PHLDB2: variants seen among roughly 807,000 people sequenced by gnomAD.
The protein encoded by PHLDB2 is pleckstrin homology like domain family B member 2.
PHLDB2 carries 71 observed loss-of-function variants against 123.6 expected under a neutral mutation model. The observed-to-expected ratio is 0.57, with a 90% CI of 0.47 to 0.70. The LOEUF is 0.70. Ranked by LOEUF, PHLDB2 falls within the 30% of genes least tolerant of loss-of-function variation. PHLDB2 has a pLI of 0.00. For synonymous variants in PHLDB2, 547 were observed against 541.6 expected, an observed-to-expected ratio of 1.01 and a Z score of -0.14; for missense variants, 1,446 against 1,519.5, an observed-to-expected ratio of 0.95 and a Z score of 0.80.
At chr3:111,929,655 C>T (rs369299472) in intron 5 of PHLDB2, among the ~76,000 whole-genome samples, 1 of 152,126 alleles carries the variant, frequency 6.6e-6, no homozygotes, top group East Asian at 1.9e-4. Flanking sequence ...TCACCTCTGC[C>T]GTCCTCTGTG....
intron 1 of PHLDB2, among the ~76,000 whole-genome samples, chr3:111,740,606 A>G (rs1290660682): frequency 6.6e-6 from 1 of 152,200 alleles, no homozygotes; most frequent in African/African-American, 2.4e-5. Flanking sequence ...GAAGAAGGAT[A>G]GATAACACGT....
chr3:111,828,674 AGGAG>A (rs1187861831), intron 1 of PHLDB2, among the ~76,000 whole-genome samples: 2 of 152,118 alleles, frequency 1.3e-5, no homozygotes, highest in African/African-American at 4.8e-5. Flanking sequence ...CCAGTTGCTC[AGGAG>A]GTGAATGTGG....
At chr3:111,839,931 C>T (rs2063597018) in intron 1 of PHLDB2, among the ~76,000 whole-genome samples, 1 of 146,182 alleles carries the variant, frequency 6.8e-6, no homozygotes, top group African/African-American at 2.5e-5. Context: ...TAAAAGCCCC[C>T]CACCCCCGCT....
chr3:111,809,770 C>G (rs939777816), intron 1 of PHLDB2, among the ~76,000 whole-genome samples: 9 of 152,090 alleles, frequency 5.9e-5, no homozygotes, highest in African/African-American at 2.2e-4. Flanking sequence ...AGTTTATCAG[C>G]CCAGTCACTT....
chr3:111,803,015 T>A (rs1204704791), intron 1 of PHLDB2, among the ~76,000 whole-genome samples: 1 of 152,218 alleles, frequency 6.6e-6, no homozygotes, highest in East Asian at 1.9e-4. Context: ...ACAGATTTAA[T>A]GAGTATAGGG....
At chr3:111,882,212 TC>T (rs767950542) in intron 1 of PHLDB2, among the ~76,000 whole-genome samples, 5 of 152,204 alleles carry the variant, frequency 3.3e-5, no homozygotes, top group Non-Finnish European at 5.9e-5. Context: ...CACTGAAATG[TC>T]CTCAGGATCC....
At chr3:111,936,985 A>C (rs2069535010) in intron 6 of PHLDB2, among the ~76,000 whole-genome samples, 1 of 152,216 alleles carries the variant, frequency 6.6e-6, no homozygotes, top group African/African-American at 2.4e-5. Flanking sequence ...TTCTTTTAGA[A>C]GTTATAAATT....
At chr3:111,938,522 C>T (rs993233950) in intron 6 of PHLDB2, among the ~76,000 whole-genome samples, 3 of 151,860 alleles carry the variant, frequency 2.0e-5, no homozygotes, top group African/African-American at 7.3e-5. Flanking sequence ...TATTTAAAAT[C>T]GTGTATACAT....
intron 1 of PHLDB2, among the ~76,000 whole-genome samples, chr3:111,812,411 T>C (rs73226323): frequency 0.016 from 2,384 of 152,286 alleles, 36 homozygotes; most frequent in Middle Eastern, 0.024. Context: ...TATAAACATA[T>C]GATGTCTGAA....
chr3:111,818,811 T>C (rs959333874), intron 1 of PHLDB2, among the ~76,000 whole-genome samples: 4 of 152,120 alleles, frequency 2.6e-5, no homozygotes, highest in Admixed American at 6.6e-5. Flanking sequence ...CTGAACCCCT[T>C]GAACCTTGGT....
At chr3:111,776,548 C>A (rs1263444337) in intron 1 of PHLDB2, among the ~76,000 whole-genome samples, 2 of 152,084 alleles carry the variant, frequency 1.3e-5, no homozygotes, top group Non-Finnish European at 2.9e-5. Context: ...TTCCTGAGGG[C>A]AAATCTTTTC....
intron 1 of PHLDB2, among the ~76,000 whole-genome samples, chr3:111,861,009 C>G (rs1439835192): frequency 3.3e-5 from 5 of 151,982 alleles, no homozygotes; most frequent in African/African-American, 9.7e-5. Context: ...CGAGATATGT[C>G]TCTGGGATTC....
intron 1 of PHLDB2, among the ~76,000 whole-genome samples, chr3:111,839,986 G>A (rs2063609570): frequency 8.9e-6 from 1 of 112,886 alleles, no homozygotes; most frequent in Non-Finnish European, 1.6e-5. Context: ...GGTGGCTCAT[G>A]CCTGTAATCC....
At chr3:111,906,284 A>T (rs1280864489) in intron 2 of PHLDB2, among the ~76,000 whole-genome samples, 2 of 152,272 alleles carry the variant, frequency 1.3e-5, no homozygotes, top group Non-Finnish European at 2.9e-5. Flanking sequence ...TAAGCAACAC[A>T]TAACTGTATA....
At chr3:111,819,994 T>C (rs2062292988) in intron 1 of PHLDB2, among the ~76,000 whole-genome samples, 1 of 152,224 alleles carries the variant, frequency 6.6e-6, no homozygotes, top group Non-Finnish European at 1.5e-5. Flanking sequence ...AAAAGTAGTG[T>C]TCACATAGGA....
In PHLDB2 at chr3:111,974,536, A is replaced by G. The variant is rs1186171890; in HGVS notation, c.3735A>G (p.Ala1245=). Reference sequence around the variant, plus strand: ...GGATGGATGTTATAGTTACGGGGGCAGAAGGTTACACTCACTTCTTGTTGT... The same window carrying G: ...GGATGGATGTTATAGTTACGGGGGCGGAAGGTTACACTCACTTCTTGTTGT... ...RIWMDVIVTG[A]EGYTHFLL Residue 1245 remains alanine (A), a synonymous_variant, in exon 18 of 18, where the codon GCA becomes GCG. Coordinates refer to ENST00000431670, the MANE Select transcript of PHLDB2 (RefSeq NM_001134438.2). The G allele has an allele frequency of 1.2e-6, 2 of 1,613,246 alleles. No individual in the cohort carries two copies. Among genetic ancestry groups the G allele is most frequent in the Non-Finnish European group, 1.7e-6 (2 of 1,179,634 alleles).
chr3:111,781,092 T>C (rs2060456945), intron 1 of PHLDB2, among the ~76,000 whole-genome samples: 1 of 143,644 alleles, frequency 7.0e-6, no homozygotes, highest in South Asian at 2.1e-4. Flanking sequence ...GAGTTTTCTC[T>C]AAAGTCATTT....
Position 111,780,399 on chromosome 3 carries a change from A to AGAAGAAGAAGAAGAGGAAGAAG in PHLDB2, c.-49+47708_-49+47709insGAGGAAGAAGGAAGAAGAAGAA, listed in dbSNP as rs1553726797. Among the ~76,000 whole-genome samples the AGAAGAAGAAGAAGAGGAAGAAG allele has an allele frequency of 2.7e-5, 2 of 74,364 alleles. 1 individual carries two copies. The highest frequency in any genetic ancestry group is 5.8e-5 in the Non-Finnish European group (2 of 34,326). 48.8% of individuals were successfully genotyped at this position (74,364 alleles called of 152,430 possible). A position where few individuals can be genotyped will look rare whatever the true frequency, so the allele number is the denominator to read the frequency against. On this transcript the variant is annotated intron_variant, in intron 1 of 17. Transcript: ENST00000393923. ...AAGAAGAAGAAGAAGAAGAAGAAGA[A>AGAAGAAGAAGAAGAGGAAGAAG]GAAGAAGAAGAAAAAGATTAGTTCG... is the stretch of plus-strand genomic sequence containing the variant.
intron 1 of PHLDB2, among the ~76,000 whole-genome samples, chr3:111,762,515 G>A (rs1369594641): frequency 6.6e-6 from 1 of 152,176 alleles, no homozygotes; most frequent in Non-Finnish European, 1.5e-5. Flanking sequence ...TATGCCTTGT[G>A]ATGCCACAAT....
Sources: gnomAD v4.1 joint callset for allele counts (sites outside exome capture counted in the v4.1 genomes callset) on GRCh38, gnomAD v4.1.1 for gene constraint, MANE v1.5 for transcripts, NCBI Gene and HGNC (gene_info 2026-07-23, HGNC 2026-07-21) for gene names.